The following IQGAP2 variants were observed in gnomAD, a reference collection of about 807,000 sequenced individuals.
IQGAP2 encodes the protein IQ motif containing GTPase activating protein 2.
A neutral mutation model predicts 201.3 loss-of-function variants in IQGAP2; 173 were observed. The observed-to-expected ratio is 0.86, with a 90% CI of 0.76 to 0.98. IQGAP2 has a LOEUF of 0.98. IQGAP2 is among the 50% of genes least tolerant of loss of function. The pLI, the probability that IQGAP2 is intolerant of heterozygous loss-of-function variation, is 0.00. For missense variants in IQGAP2, 1,687 were observed against 1,864.8 expected (o/e 0.90, Z 1.76); for synonymous variants, 675 against 673.9 (o/e 1.00, Z -0.03).
intron 12 of IQGAP2, chr5:76,608,957 C>T (rs1748033934): frequency 1.2e-5 from 9 of 747,216 alleles, no homozygotes; most frequent in East Asian, 2.8e-5. Flanking sequence ...AGAAGTGGAC[C>T]GTGGGCTGAG....
At chr5:76,529,030 C>CA (rs1487590266) in intron 2 of IQGAP2, among the ~76,000 whole-genome samples, 1 of 152,148 alleles carries the variant, frequency 6.6e-6, no homozygotes, top group African/African-American at 2.4e-5. Flanking sequence ...CTTGATGAGT[C>CA]TTGTGAATTA....
chr5:76,538,611 T>C (rs2150216553), intron 2 of IQGAP2, among the ~76,000 whole-genome samples: 1 of 152,330 alleles, frequency 6.6e-6, no homozygotes, highest in South Asian at 2.1e-4. Flanking sequence ...TTAAGGAGTC[T>C]CACTCAATTC....
At chr5:76,688,113 C>G (rs1338336398) in intron 30 of IQGAP2, among the ~76,000 whole-genome samples, 2 of 152,110 alleles carry the variant, frequency 1.3e-5, no homozygotes, top group African/African-American at 4.8e-5. Context: ...GTAACTCAAG[C>G]ATAAGATATA....
Position 76,558,343 on chromosome 5 carries a change from C to T in IQGAP2, c.147-4053C>T, listed in dbSNP as rs1744093729. ...CCCCAATTTCCAGGTTGTTATAAAGCATTCATATATTTTTGTGTAAAAAAT... is the reference window on the plus strand; with the variant it reads ...CCCCAATTTCCAGGTTGTTATAAAGTATTCATATATTTTTGTGTAAAAAAT... On this transcript the variant is annotated intron_variant, in intron 2 of 35. Transcript: ENST00000274364. 2.0e-5 allele frequency among the ~76,000 whole-genome samples: 3 copies of T among 152,186 alleles called. 1 individual carries two copies. The highest frequency in any genetic ancestry group is 4.2e-4 in the South Asian group (2 of 4,818).
At chr5:76,636,005 T>C (rs1751098306) in intron 15 of IQGAP2, among the ~76,000 whole-genome samples, 1 of 152,228 alleles carries the variant, frequency 6.6e-6, no homozygotes, top group African/African-American at 2.4e-5. Context: ...TGAAAAGAGA[T>C]ACATCTCTCT....
chr5:76,659,270 A>G (rs1037667828), intron 21 of IQGAP2, among the ~76,000 whole-genome samples: 22 of 152,262 alleles, frequency 1.4e-4, no homozygotes, highest in Non-Finnish European at 3.2e-4. Context: ...GAATAAGACT[A>G]GGGCCTTTAT....
intron 6 of IQGAP2, among the ~76,000 whole-genome samples, chr5:76,589,400 A>G (rs1421068154): frequency 1.3e-5 from 2 of 151,764 alleles, no homozygotes; most frequent in Non-Finnish European, 2.9e-5. Context: ...TGATGAGAAG[A>G]GAAAACAGAC....
At chr5:76,418,306 T>C (rs1353505393) in intron 1 of IQGAP2, among the ~76,000 whole-genome samples, 3 of 151,990 alleles carry the variant, frequency 2.0e-5, no homozygotes, top group Non-Finnish European at 4.4e-5. Context: ...CTTTTTTGAA[T>C]CCTAATATAT....
At chr5:76,452,835 A>G (rs902472542) in intron 1 of IQGAP2, among the ~76,000 whole-genome samples, 1 of 152,100 alleles carries the variant, frequency 6.6e-6, no homozygotes, top group African/African-American at 2.4e-5. Flanking sequence ...AGAATTACCA[A>G]AGACTAAATT....
chr5:76,696,478 T>C (rs1051185122), intron 32 of IQGAP2, among the ~76,000 whole-genome samples: 1 of 152,226 alleles, frequency 6.6e-6, no homozygotes, highest in Admixed American at 6.5e-5. Flanking sequence ...GATCTGTTTG[T>C]CAAGGATAAG....
chr5:76,686,559 G>GA, intron 30 of IQGAP2, among the ~76,000 whole-genome samples: 1 of 151,810 alleles, frequency 6.6e-6, no homozygotes, highest in Non-Finnish European at 1.5e-5. Flanking sequence ...GCCCAGGCTG[G>GA]AGTGCAGTGG....
chr5:76,696,725 TG>T (rs1746783975), intron 32 of IQGAP2, among the ~76,000 whole-genome samples: 1 of 152,150 alleles, frequency 6.6e-6, no homozygotes, highest in Non-Finnish European at 1.5e-5. Context: ...TTCTTTAGTT[TG>T]GGGGTAGAAA....
At chr5:76,660,064 T>C (rs1743118004) in intron 21 of IQGAP2, 1 of 151,972 alleles carries the variant, frequency 6.6e-6, no homozygotes, top group Non-Finnish European at 1.5e-5. Context: ...GGGAAACTGA[T>C]CTTCTGGAAG....
rs144048136 is a variant in IQGAP2 at position 76,461,749 on chromosome 5, G to A, written c.146+80G>A. On this transcript the variant is annotated intron_variant, in intron 2 of 35. Coordinates refer to ENST00000274364, the MANE Select transcript of IQGAP2 (RefSeq NM_006633.5). The stretch of plus-strand genomic sequence containing the variant: ...ATAAGGGCGTGGGATTTGATGACCA[G>A]AGGGTTCTGAAATGGGCCAGCAATT... The A allele has an allele frequency of 9.3e-4, 931 of 999,284 alleles. 7 individuals are homozygous for A. The African/African-American group carries it at 0.013, about 14-fold the overall frequency. The allele number at this position is 999,284 out of a possible 1,614,324, so 61.9% of individuals were successfully genotyped here.
intron 2 of IQGAP2, among the ~76,000 whole-genome samples, chr5:76,467,824 A>G (rs1463595223): frequency 3.9e-5 from 6 of 152,220 alleles, no homozygotes; most frequent in African/African-American, 1.2e-4. Flanking sequence ...TACATACTAC[A>G]ACATGGATGA....
chr5:76,591,650 TCTC>T (rs1746661997), intron 8 of IQGAP2, among the ~76,000 whole-genome samples: 1 of 152,136 alleles, frequency 6.6e-6, no homozygotes, highest in African/African-American at 2.4e-5. Flanking sequence ...CTGCCACAGT[TCTC>T]CTCTGTGCCT....
intron 2 of IQGAP2, among the ~76,000 whole-genome samples, chr5:76,509,984 C>CTTTTT (rs11331690): frequency 1.2e-4 from 17 of 138,030 alleles, no homozygotes; most frequent in African/African-American, 2.7e-4. Context: ...AATTTTCTTT[C>CTTTTT]TTTTTTTTTT....
intron 2 of IQGAP2, among the ~76,000 whole-genome samples, chr5:76,496,445 C>T (rs890184680): frequency 1.3e-5 from 2 of 152,164 alleles, no homozygotes; most frequent in African/African-American, 4.8e-5. Flanking sequence ...AAAGACAAAG[C>T]ACAAGTCTGC....
chr5:76,594,691 G>A (rs917714899), intron 9 of IQGAP2, among the ~76,000 whole-genome samples: 1 of 152,160 alleles, frequency 6.6e-6, no homozygotes, highest in Non-Finnish European at 1.5e-5. Flanking sequence ...AATCAGCTGG[G>A]TGCAGTGGCT....
Sources: allele counts gnomAD v4.1 joint callset (sites outside exome capture counted in the v4.1 genomes callset), GRCh38; gene constraint gnomAD v4.1.1; transcripts MANE v1.5; gene names NCBI Gene and HGNC (gene_info 2026-07-23, HGNC 2026-07-21).